The following CTNNA3 variants were observed in gnomAD, a reference collection of about 807,000 sequenced individuals.
CTNNA3 encodes the protein catenin alpha-3.
In CTNNA3, 76 loss-of-function variants were observed where a neutral mutation model predicts 95.7. The observed-to-expected ratio is 0.79, with a 90% CI of 0.66 to 0.96. The LOEUF is 0.96. Among genes scored for constraint, CTNNA3 ranks in the 40% least tolerant of loss-of-function variants. CTNNA3 has a pLI of 0.00. For synonymous variants in CTNNA3, 431 were observed against 374.4 expected (o/e 1.15, Z -1.74); for missense variants, 1,191 against 1,089.8 (o/e 1.09, Z -1.31).
At chr10:67,215,826 T>C (rs1262487710) in intron 6 of CTNNA3, among the ~76,000 whole-genome samples, 1 of 152,146 alleles carries the variant, frequency 6.6e-6, no homozygotes, top group Non-Finnish European at 1.5e-5. Flanking sequence ...TTATCTTTTG[T>C]CTTCAGTTCA....
intron 5 of CTNNA3, among the ~76,000 whole-genome samples, chr10:67,293,168 A>G (rs1839903183): frequency 6.6e-6 from 1 of 152,140 alleles, no homozygotes; most frequent in South Asian, 2.1e-4. Flanking sequence ...TTGATCAAGT[A>G]GACTTTCTTT....
chr10:67,488,299 T>C (rs1015996433), intron 5 of CTNNA3, among the ~76,000 whole-genome samples: 2 of 152,264 alleles, frequency 1.3e-5, no homozygotes, highest in Non-Finnish European at 2.9e-5. Context: ...AATAAATGGC[T>C]CTCCAAGAAC....
chr10:67,079,858 AACACACACACAC>A (rs199928311), intron 7 of CTNNA3, among the ~76,000 whole-genome samples: 16,002 of 141,268 alleles, frequency 0.11, 963 homozygotes, highest in Middle Eastern at 0.21. Flanking sequence ...AAAAAAACAA[AACACACACACAC>A]ACACACACAC....
intron 17 of CTNNA3, among the ~76,000 whole-genome samples, chr10:65,964,317 C>T (rs966122936): frequency 1.3e-5 from 2 of 152,134 alleles, no homozygotes; most frequent in Non-Finnish European, 2.9e-5. Context: ...CAAAAGGGGG[C>T]ATGCTCTCCT....
At chr10:66,687,144 A>G (rs1016018591) in intron 9 of CTNNA3, among the ~76,000 whole-genome samples, 33 of 152,134 alleles carry the variant, frequency 2.2e-4, no homozygotes, top group African/African-American at 5.1e-4. Flanking sequence ...TGTACCAACT[A>G]AGAAGAAGGG....
rs192062051 is a variant in CTNNA3, at chr10:67,103,386, C to T, written c.1047+76931G>A. ...AGATTTTATTCCCCATTAACTCTTT[C>T]GAGAGGCATATCTGAAAAGTCTTAA... is the stretch of plus-strand genomic sequence containing the variant. On this transcript the variant is annotated intron_variant, in intron 7 of 17. Transcript: ENST00000433211. Among the ~76,000 whole-genome samples, 342 of 151,784 alleles carry T rather than the reference C, an allele frequency of 2.3e-3. 2 individuals are homozygous for T. Among genetic ancestry groups the T allele is most frequent in the East Asian group, 0.016 (80 of 5,156 alleles).
intron 14 of CTNNA3, among the ~76,000 whole-genome samples, chr10:66,094,069 G>A (rs1012403236): frequency 3.9e-5 from 6 of 152,118 alleles, no homozygotes; most frequent in African/African-American, 1.4e-4. Flanking sequence ...CACATGTAAT[G>A]GAAGATTATT....
At chr10:67,047,378 G>T (rs577337939) in intron 7 of CTNNA3, among the ~76,000 whole-genome samples, 1 of 152,242 alleles carries the variant, frequency 6.6e-6, no homozygotes, top group South Asian at 2.1e-4. Flanking sequence ...GTTAACTCCA[G>T]AAGGAAAGAT....
intron 13 of CTNNA3, among the ~76,000 whole-genome samples, chr10:66,155,912 CA>C (rs910087343): frequency 6.7e-5 from 10 of 149,298 alleles, no homozygotes; most frequent in African/African-American, 2.5e-4. Context: ...AGAAAGAACT[CA>C]AAAAAAATCA....
At chr10:66,325,058 C>T (rs2092238088) in intron 12 of CTNNA3, among the ~76,000 whole-genome samples, 1 of 151,790 alleles carries the variant, frequency 6.6e-6, no homozygotes, top group Non-Finnish European at 1.5e-5. Flanking sequence ...GAGGAGGGAG[C>T]TACACAGAGG....
At chr10:66,926,811 G>GT in intron 7 of CTNNA3, 1 of 1,028,848 alleles carries the variant, frequency 9.7e-7, no homozygotes, top group Non-Finnish European at 1.4e-6. Flanking sequence ...GATGTTAAGT[G>GT]TTATTTAGAT....
intron 5 of CTNNA3, among the ~76,000 whole-genome samples, chr10:67,418,276 A>G (rs1845614657): frequency 6.6e-6 from 1 of 152,168 alleles, no homozygotes; most frequent in African/African-American, 2.4e-5. Flanking sequence ...AAATTAGTGC[A>G]ACTATTATAA....
rs148457020 is a variant in CTNNA3 at position 66,153,848 on chromosome 10, T to TACACACACACAC, written c.1885-50611_1885-50600dup. ...TGCCTCTGATACTTAATAATTTGTT[T>TACACACACACAC]ACACACACACACACACACACACACA... On this transcript the variant is annotated intron_variant, in intron 13 of 17. Transcript: ENST00000433211. Among the ~76,000 whole-genome samples, 781 of 149,052 alleles carry TACACACACACAC rather than the reference T, an allele frequency of 5.2e-3. 8 individuals carry two copies. The highest frequency in any genetic ancestry group is 0.018 in the African/African-American group (717 of 40,596).
chr10:66,292,580 G>A (rs1056560951), intron 12 of CTNNA3, among the ~76,000 whole-genome samples: 14 of 152,036 alleles, frequency 9.2e-5, no homozygotes, highest in African/African-American at 2.9e-4. Context: ...TGCCTCAATA[G>A]TGCACACACA....
chr10:67,724,946 C>G (rs1474941866), intron 1 of CTNNA3, among the ~76,000 whole-genome samples: 1 of 152,186 alleles, frequency 6.6e-6, no homozygotes, highest in East Asian at 1.9e-4. Flanking sequence ...AAACCTTAAA[C>G]CTTACTTCCT....
chr10:66,361,562 G>C (rs891922849), intron 12 of CTNNA3, among the ~76,000 whole-genome samples: 1 of 148,242 alleles, frequency 6.7e-6, no homozygotes, highest in Non-Finnish European at 1.5e-5. Flanking sequence ...TTTAGAGATA[G>C]GGTCTTGTTC....
At chr10:66,170,629 T>G (rs1355899025) in intron 13 of CTNNA3, among the ~76,000 whole-genome samples, 5 of 151,842 alleles carry the variant, frequency 3.3e-5, no homozygotes. Flanking sequence ...AGATAGGGCT[T>G]TGAAGAAAAA....
At chr10:66,366,669 T>C (rs1319663316) in intron 12 of CTNNA3, among the ~76,000 whole-genome samples, 1 of 152,134 alleles carries the variant, frequency 6.6e-6, no homozygotes, top group Admixed American at 6.6e-5. Flanking sequence ...AGCAATAAAT[T>C]TCTGTTGTTT....
chr10:66,728,399 T>C (rs1356859606), intron 9 of CTNNA3, among the ~76,000 whole-genome samples: 1 of 152,188 alleles, frequency 6.6e-6, no homozygotes, highest in Non-Finnish European at 1.5e-5. Flanking sequence ...ACTCTGATGA[T>C]AGTTTATTTT....
Sources: gnomAD v4.1 joint callset for allele counts (sites outside exome capture counted in the v4.1 genomes callset) on GRCh38, gnomAD v4.1.1 for gene constraint, MANE v1.5 for transcripts, NCBI Gene and HGNC (gene_info 2026-07-23, HGNC 2026-07-21) for gene names.